TVP23B: variants seen among roughly 807,000 people sequenced by gnomAD.
TVP23B encodes the protein Golgi apparatus membrane protein TVP23 homolog B.
A neutral mutation model predicts 30.6 loss-of-function variants in TVP23B; 10 were observed. The ratio of observed to expected loss-of-function variants is 0.33; its 90% confidence interval spans 0.20 to 0.55. The LOEUF (loss-of-function observed/expected upper bound fraction) is 0.55. Ranked by LOEUF, TVP23B falls within the 20% of genes least tolerant of loss-of-function variation. The pLI is 0.91. For missense variants in TVP23B, 153 were observed against 243.2 expected (o/e 0.63, Z 2.47); for synonymous variants, 67 against 83.1 (o/e 0.81, Z 1.06).
intron 3 of TVP23B, chr17:18,796,994 T>A (rs934252238): frequency 6.4e-6 from 1 of 155,446 alleles, no homozygotes; most frequent in Non-Finnish European, 1.4e-5. Context: ...TGTGCATTGG[T>A]TGTCTGCCTC....
intron 1 of TVP23B, among the ~76,000 whole-genome samples, chr17:18,787,663 A>G (rs1442320736): frequency 2.0e-5 from 3 of 152,204 alleles, no homozygotes; most frequent in Non-Finnish European, 4.4e-5. Context: ...ACAACATGTG[A>G]AAGGCAGGAG....
intron 1 of TVP23B, among the ~76,000 whole-genome samples, chr17:18,783,617 C>T (rs910151997): frequency 6.6e-6 from 1 of 152,190 alleles, no homozygotes; most frequent in Non-Finnish European, 1.5e-5. Context: ...AGACAATTTT[C>T]ACACTAGCTG....
intron 3 of TVP23B, among the ~76,000 whole-genome samples, chr17:18,794,584 G>A (rs1371489550): frequency 2.0e-5 from 3 of 151,992 alleles, no homozygotes; most frequent in Admixed American, 6.6e-5. Context: ...GAAAATAATG[G>A]ACTACTTGAG....
chr17:18,802,644 T>C (rs2036187040), intron 5 of TVP23B, among the ~76,000 whole-genome samples: 1 of 152,224 alleles, frequency 6.6e-6, no homozygotes, highest in Non-Finnish European at 1.5e-5. Context: ...GGTATTAGTT[T>C]ATTTGTGTTT....
At chr17:18,786,647 T>C (rs2035910308) in intron 1 of TVP23B, among the ~76,000 whole-genome samples, 1 of 152,014 alleles carries the variant, frequency 6.6e-6, no homozygotes, top group African/African-American at 2.4e-5. Context: ...TATCAGCCTT[T>C]TTTTGTTTGT....
chr17:18,788,114 A>G (rs1311229126), intron 1 of TVP23B, among the ~76,000 whole-genome samples: 1 of 151,360 alleles, frequency 6.6e-6, no homozygotes, highest in African/African-American at 2.4e-5. Context: ...AGGCGGCTGG[A>G]TCACAAGGTC....
At chr17:18,783,267 G>A (rs1288903388) in intron 1 of TVP23B, among the ~76,000 whole-genome samples, 1 of 151,926 alleles carries the variant, frequency 6.6e-6, no homozygotes, top group African/African-American at 2.4e-5. Context: ...CACCACGCCC[G>A]GCTAATTTTT....
intron 3 of TVP23B, among the ~76,000 whole-genome samples, chr17:18,791,741 T>A (rs545161520): frequency 4.9e-4 from 74 of 152,032 alleles, no homozygotes; most frequent in Non-Finnish European, 9.4e-4. Flanking sequence ...TAGAAAGAAG[T>A]GTAAGAAATG....
At chr17:18,784,312 C>T (rs2035867041) in intron 1 of TVP23B, among the ~76,000 whole-genome samples, 1 of 152,178 alleles carries the variant, frequency 6.6e-6, no homozygotes, top group Non-Finnish European at 1.5e-5. Flanking sequence ...CCCAACCATA[C>T]TGGAACTGCT....
intron 1 of TVP23B, among the ~76,000 whole-genome samples, chr17:18,784,151 A>AACAT (rs2035863787): frequency 6.6e-6 from 1 of 151,544 alleles, no homozygotes; most frequent in South Asian, 2.1e-4. Flanking sequence ...TCTCAAAACA[A>AACAT]ACAAACAAAC....
At chr17:18,791,890 CTGTG>C (rs1156864556) in intron 3 of TVP23B, among the ~76,000 whole-genome samples, 1 of 151,866 alleles carries the variant, frequency 6.6e-6, no homozygotes, top group Non-Finnish European at 1.5e-5. Context: ...TAAAATTTAA[CTGTG>C]TGTGTTCGAA....
intron 1 of TVP23B, among the ~76,000 whole-genome samples, chr17:18,787,689 T>C (rs1476271360): frequency 6.6e-6 from 1 of 152,208 alleles, no homozygotes; most frequent in Non-Finnish European, 1.5e-5. Context: ...AGAGAGATTG[T>C]AGTGTTCTTA....
At chr17:18,791,132 T>G in intron 3 of TVP23B, 92 bp downstream of exon 3, 33 of 1,450,836 alleles carry the variant, frequency 2.3e-5, no homozygotes, top group Non-Finnish European at 2.9e-5. Context: ...TGTTAATCTT[T>G]TGTTACTTCA....
chr17:18,795,094 C>T (rs536602647), intron 3 of TVP23B, among the ~76,000 whole-genome samples: 5 of 127,894 alleles, frequency 3.9e-5, no homozygotes, highest in African/African-American at 1.2e-4. Context: ...GGTGTGATCT[C>T]GGCTCACTGC....
intron 5 of TVP23B, among the ~76,000 whole-genome samples, chr17:18,799,905 T>C (rs2036132946): frequency 1.3e-5 from 2 of 152,138 alleles, no homozygotes; most frequent in Non-Finnish European, 2.9e-5. Flanking sequence ...ACATTCATAC[T>C]TTCCTTCTTT....
intron 5 of TVP23B, among the ~76,000 whole-genome samples, chr17:18,800,031 A>G (rs2036135567): frequency 6.6e-6 from 1 of 152,082 alleles, no homozygotes; most frequent in African/African-American, 2.4e-5. Flanking sequence ...AAATTTATTC[A>G]GTATTTATGG....
At chr17:18,797,832 G>A (rs1301849875) in intron 4 of TVP23B, among the ~76,000 whole-genome samples, 164 bp downstream of exon 4, 1 of 152,054 alleles carries the variant, frequency 6.6e-6, no homozygotes, top group African/African-American at 2.4e-5. Flanking sequence ...GCATTTTTCT[G>A]TCTAGTTCAG....
At chr17:18,793,839 G>A (rs967776023) in intron 3 of TVP23B, among the ~76,000 whole-genome samples, 2 of 152,076 alleles carry the variant, frequency 1.3e-5, no homozygotes, top group African/African-American at 4.8e-5. Flanking sequence ...AGAATACTAA[G>A]ATTGGTCAGA....
At chr17:18,783,594 G>A (rs1364098798) in intron 1 of TVP23B, among the ~76,000 whole-genome samples, 1 of 152,156 alleles carries the variant, frequency 6.6e-6, no homozygotes, top group Admixed American at 6.5e-5. Context: ...CACTGAAAAT[G>A]GAAGCCGTCG....
Sources: allele counts gnomAD v4.1 joint callset (sites outside exome capture counted in the v4.1 genomes callset), GRCh38; gene constraint gnomAD v4.1.1; transcripts MANE v1.5; gene names NCBI Gene and HGNC (gene_info 2026-07-23, HGNC 2026-07-21).